Variants in PLEKHA6 observed in about 807,000 individuals in gnomAD.
The protein encoded by PLEKHA6 is pleckstrin homology domain-containing family A member 6.
PLEKHA6 carries 60 observed loss-of-function variants against 116.7 expected under a neutral mutation model. The ratio of observed to expected loss-of-function variants is 0.51; its 90% CI spans 0.42 to 0.64. PLEKHA6 has a LOEUF of 0.64. Among genes scored for constraint, PLEKHA6 ranks in the 30% least tolerant of loss-of-function variants. The pLI, the probability that PLEKHA6 is intolerant of heterozygous loss-of-function variation, is 0.00. For synonymous variants in PLEKHA6, 489 were observed against 556.1 expected (o/e 0.88, Z 1.70); for missense variants, 1,338 against 1,422.7 (o/e 0.94, Z 0.96).
chr1:204,368,046 C>T (rs1673694758), intron 2 of PLEKHA6, among the ~76,000 whole-genome samples: 1 of 152,196 alleles, frequency 6.6e-6, no homozygotes, highest in Non-Finnish European at 1.5e-5. Context: ...GTGAGATTCC[C>T]AGCAAATAAT....
At chr1:204,333,081 G>A (rs1465447489) in intron 1 of PLEKHA6, among the ~76,000 whole-genome samples, 1 of 152,244 alleles carries the variant, frequency 6.6e-6, no homozygotes, top group Non-Finnish European at 1.5e-5. Flanking sequence ...AACTAAGCCA[G>A]AGAAGACCCA....
rs1223897873 is a variant in PLEKHA6, at chr1:204,220,911, ACGGACAAAGTGG to A, written c.*1865_*1876del. 1 of 151,096 alleles carries A rather than the reference ACGGACAAAGTGG, an allele frequency of 6.6e-6. No homozygotes were observed. The highest frequency in any genetic ancestry group is 1.5e-5 in the Non-Finnish European group (1 of 67,804). 9.4% of individuals were successfully genotyped at this position (151,096 alleles called of 1,614,324 possible). ...TATTACTTTAAAAAAAAAAAAAGAGACGGACAAAGTGGCAGGCATGGAAGGCCCTGAAAAATC... is the reference window on the plus strand; with the variant it reads ...TATTACTTTAAAAAAAAAAAAAGAGACAGGCATGGAAGGCCCTGAAAAATC... On this transcript the variant is annotated 3_prime_UTR_variant, in exon 23 of 23. Transcript: ENST00000272203.
intron 3 of PLEKHA6, among the ~76,000 whole-genome samples, chr1:204,273,211 C>G (rs1667658021): frequency 6.6e-6 from 1 of 152,168 alleles, no homozygotes; most frequent in Non-Finnish European, 1.5e-5. Context: ...CAGTGGTTCT[C>G]AATGAGGTTG....
At position 204,272,880 on chromosome 1, in the gene PLEKHA6, A is replaced by G. The variant is rs573560971; in HGVS notation, c.102+746T>C. On this transcript the variant is annotated intron_variant, in intron 3 of 22. Transcript: ENST00000272203. ...CATTTTAATTTTTGGCAAGTGCTCC[A>G]TTATGTGATGATATACTACCATTTG... Among the ~76,000 whole-genome samples the G allele has an allele frequency of 5.4e-4, 82 of 152,290 alleles. 1 individual carries two copies. The South Asian group carries it at 5.6e-3, about 10-fold the overall frequency.
intron 1 of PLEKHA6, chr1:204,308,879 C>A (rs1038876998): frequency 6.6e-6 from 1 of 152,208 alleles, no homozygotes; most frequent in African/African-American, 2.4e-5. Context: ...TTAGTAGAGA[C>A]GGGGTTTCAC....
chr1:204,293,769 C>T (rs1418732225), intron 1 of PLEKHA6, among the ~76,000 whole-genome samples: 1 of 152,174 alleles, frequency 6.6e-6, no homozygotes, highest in Non-Finnish European at 1.5e-5. Context: ...AATCGCCTTA[C>T]TCTAGTCAGC....
At chr1:204,278,846 T>C (rs1411553110) in intron 1 of PLEKHA6, among the ~76,000 whole-genome samples, 1 of 152,178 alleles carries the variant, frequency 6.6e-6, no homozygotes, top group African/African-American at 2.4e-5. Flanking sequence ...GCTCGATAAA[T>C]ATTTGTTGAA....
At chr1:204,366,634 A>C (rs1425446108) in intron 3 of PLEKHA6, among the ~76,000 whole-genome samples, 1 of 152,122 alleles carries the variant, frequency 6.6e-6, no homozygotes, top group Non-Finnish European at 1.5e-5. Context: ...GGTGGTGGGC[A>C]CCTGTAGTCC....
intron 1 of PLEKHA6, among the ~76,000 whole-genome samples, chr1:204,315,041 G>A (rs189672994): frequency 6.6e-6 from 1 of 152,308 alleles, no homozygotes; most frequent in East Asian, 1.9e-4. Flanking sequence ...GCAGAAATGG[G>A]AGAATGACAG....
intron 1 of PLEKHA6, among the ~76,000 whole-genome samples, chr1:204,292,037 C>T (rs964962511): frequency 6.6e-6 from 1 of 152,188 alleles, no homozygotes; most frequent in African/African-American, 2.4e-5. Context: ...TGGTTTCCTA[C>T]TGACCTGCTT....
At chr1:204,292,278 G>A (rs1669846467) in intron 1 of PLEKHA6, among the ~76,000 whole-genome samples, 1 of 152,172 alleles carries the variant, frequency 6.6e-6, no homozygotes. Flanking sequence ...CTTATGAGGT[G>A]GGCAGAAAAG....
chr1:204,227,458 A>C (rs2102401524), intron 21 of PLEKHA6, among the ~76,000 whole-genome samples: 1 of 152,350 alleles, frequency 6.6e-6, no homozygotes. Context: ...TCTCAGGCTG[A>C]GTAGAAGCTG....
At chr1:204,327,638 G>A (rs1337439057) in intron 1 of PLEKHA6, among the ~76,000 whole-genome samples, 1 of 152,252 alleles carries the variant, frequency 6.6e-6, no homozygotes, top group Non-Finnish European at 1.5e-5. Context: ...ATGGGCAGAT[G>A]GGCGAGCGCT....
chr1:204,224,840 G>A lies in PLEKHA6; in HGVS notation c.3032-1255C>T, dbSNP rs969831014. The stretch of plus-strand genomic sequence containing the variant: ...TGCATAGCCACATCACTGACCCAAC[G>A]CTTAGTCATCTAGCAGTCTCAACTT... On this transcript the variant is annotated intron_variant, in intron 21 of 22. Transcript: ENST00000272203. Among the ~76,000 whole-genome samples, 3 of 152,122 alleles carry A rather than the reference G, an allele frequency of 2.0e-5. No individual in the cohort carries two copies. The East Asian group carries it at 5.8e-4, about 29-fold the overall frequency.
intron 1 of PLEKHA6, among the ~76,000 whole-genome samples, chr1:204,287,576 C>T (rs1470189129): frequency 6.6e-6 from 1 of 152,164 alleles, no homozygotes; most frequent in African/African-American, 2.4e-5. Flanking sequence ...TCTCTGCACC[C>T]ACCCCCGCCA....
chr1:204,251,056 C>T (rs1046567332), intron 9 of PLEKHA6, among the ~76,000 whole-genome samples: 1 of 152,206 alleles, frequency 6.6e-6, no homozygotes, highest in Non-Finnish European at 1.5e-5. Context: ...GTAGACTGAA[C>T]ACCTGGGCTT....
chr1:204,327,597 G>A (rs1672287674), intron 1 of PLEKHA6, among the ~76,000 whole-genome samples: 1 of 152,238 alleles, frequency 6.6e-6, no homozygotes, highest in Admixed American at 6.5e-5. Context: ...GTGTCCAATG[G>A]TCTAACTGCA....
chr1:204,257,368 G>T lies in PLEKHA6; in HGVS notation c.1509C>A (p.Ser503=). 1 of 1,562,310 alleles carries T rather than the reference G, an allele frequency of 6.4e-7. No homozygotes were observed. The highest frequency in any genetic ancestry group is 1.9e-5 in the Admixed American group (1 of 52,456). The change falls in exon 9 of 23, where the codon TCC becomes TCA. Residue 503 remains serine, a synonymous_variant. Coordinates refer to ENST00000272203, the MANE Select transcript of PLEKHA6 (RefSeq NM_014935.5). The surrounding 1 kb of genome is among the most constrained non-coding windows in gnomAD (Gnocchi z 6.5). ...GGTGGCTCACCTTGGGGGAGCTGAT[G>T]GATCGCCTCATCACATAGGCAGCAG... The part of the protein sequence containing the change: ...ADPAAYVMRR[S]ISSPKVPPYP...
chr1:204,342,472 G>T (rs1445491743), intron 1 of PLEKHA6, among the ~76,000 whole-genome samples: 1 of 152,198 alleles, frequency 6.6e-6, no homozygotes, highest in Non-Finnish European at 1.5e-5. Flanking sequence ...CTTGCTTTCC[G>T]CATTCCTACT....
Sources: gnomAD v4.1 joint callset for allele counts (sites outside exome capture counted in the v4.1 genomes callset) on GRCh38, gnomAD v4.1.1 for gene constraint, Gnocchi (gnomAD v3.1) non-coding constraint, MANE v1.5 for transcripts, NCBI Gene and HGNC (gene_info 2026-07-23, HGNC 2026-07-21) for gene names.